CNKSR2: variants seen among roughly 807,000 people sequenced by gnomAD.
CNKSR2 encodes CNK homolog protein 2.
Under a neutral mutation model 84.4 loss-of-function variants are expected in CNKSR2, and 14 were observed. The ratio of observed to expected loss-of-function variants is 0.17; its 90% confidence interval spans 0.11 to 0.26. CNKSR2 has a LOEUF of 0.26. Ranked by LOEUF, CNKSR2 falls within the 10% of genes least tolerant of loss-of-function variation. CNKSR2 has a pLI of 1.00. For synonymous variants in CNKSR2, 275 were observed against 277.9 expected (o/e 0.99, Z 0.10); for missense variants, 485 against 771.2 (o/e 0.63, Z 4.40).
chrX:21,599,607 C>T (rs1242343445), intron 17 of CNKSR2, among the ~76,000 whole-genome samples: 1 of 111,151 alleles, frequency 9.0e-6, no homozygotes, highest in South Asian at 3.8e-4. Context: ...TCAGGTGATC[C>T]GCCCACATCG....
At chrX:21,564,127 G>A (rs2092217616) in intron 13 of CNKSR2, among the ~76,000 whole-genome samples, 1 of 111,647 alleles carries the variant, frequency 9.0e-6, no homozygotes, top group Non-Finnish European at 1.9e-5. Flanking sequence ...AGGATTTTGT[G>A]TGGCTTATGA....
chrX:21,430,007 T>C (rs977962532), intron 2 of CNKSR2, among the ~76,000 whole-genome samples: 9 of 112,375 alleles, frequency 8.0e-5, no homozygotes, highest in Non-Finnish European at 1.5e-4. Flanking sequence ...ACAGATGAGC[T>C]TCTTACCTAT....
At chrX:21,606,742 G>A (rs2092519416) in intron 18 of CNKSR2, 37 bp from the exon 19 acceptor site, 1 of 815,900 alleles carries the variant, frequency 1.2e-6, no homozygotes, top group African/African-American at 2.1e-5. Context: ...GAAACATTTA[G>A]TAGAATGTTG....
At chrX:21,615,724 C>T (rs1014465929) in intron 20 of CNKSR2, among the ~76,000 whole-genome samples, 1 of 111,324 alleles carries the variant, frequency 9.0e-6, no homozygotes, top group Non-Finnish European at 1.9e-5. Context: ...TAAGGCAAAG[C>T]GGGCAATTAC....
chrX:21,472,003 T>A (rs1209052955), intron 5 of CNKSR2, among the ~76,000 whole-genome samples: 1 of 112,034 alleles, frequency 8.9e-6, no homozygotes, highest in Non-Finnish European at 1.9e-5. Context: ...GTCACAAATA[T>A]TAAGTTGTTC....
At chrX:21,537,783 CTTG>C (rs1380795072) in intron 11 of CNKSR2, 3 of 89,799 alleles carry the variant, frequency 3.3e-5, no homozygotes, top group African/African-American at 1.3e-4. Context: ...AGAGTTGGGT[CTTG>C]TTTTTTTTTT....
rs367963585 is a variant in CNKSR2 at position 21,652,356 on chromosome X, C to T, written c.2940C>T (p.Asp980=). 16 of 1,209,919 alleles carry T rather than the reference C, an allele frequency of 1.3e-5. No individual in the cohort carries two copies. The African/African-American group carries it at 2.1e-4, about 16-fold the overall frequency. The stretch of plus-strand genomic sequence containing the variant: ...TCGATAAAGTCCTAGACAATCCAGA[C>T]TTGACATCTAAAGAATTCCAACAAT... The part of the protein sequence containing the change: ...AIIDKVLDNP[D]LTSKEFQQWK... Residue 980 remains aspartate, a synonymous_variant, in exon 22 of 22, where the codon GAC becomes GAT. Transcript: ENST00000379510.
At position 21,472,264 on chromosome X, in the gene CNKSR2, GT is replaced by G. The variant is rs1413411247; in HGVS notation, c.561+1459del. Among the ~76,000 whole-genome samples, 21 of 112,076 alleles carry G rather than the reference GT, an allele frequency of 1.9e-4. No homozygotes were observed. In the Admixed American group the frequency reaches 2.0e-3, roughly 11 times the overall value. On this transcript the variant is annotated intron_variant, in intron 5 of 21. Coordinates refer to ENST00000379510, the MANE Select transcript of CNKSR2 (RefSeq NM_014927.5). Reference sequence around the variant, plus strand: ...CATTGAATTTTCTATGACAATGACTGTTCTTTCTGAAGTATTGAATTTACTG... The same window carrying G: ...CATTGAATTTTCTATGACAATGACTGTCTTTCTGAAGTATTGAATTTACTG...
chrX:21,387,736 A>G (rs1049588182), intron 1 of CNKSR2, among the ~76,000 whole-genome samples: 1 of 111,026 alleles, frequency 9.0e-6, no homozygotes, highest in Non-Finnish European at 1.9e-5. Flanking sequence ...ATATCTCCTG[A>G]AATAAAATTC....
chrX:21,603,653 CAG>C (rs1471810759), intron 18 of CNKSR2, among the ~76,000 whole-genome samples: 1 of 112,303 alleles, frequency 8.9e-6, no homozygotes, highest in African/African-American at 3.2e-5. Context: ...TTAGAGAAAA[CAG>C]AGTTACACTT....
intron 5 of CNKSR2, among the ~76,000 whole-genome samples, chrX:21,471,596 A>G (rs1313003707): frequency 8.9e-6 from 1 of 112,565 alleles, no homozygotes. Flanking sequence ...ACTATTTTGT[A>G]TTTAGAAAAG....
chrX:21,399,479 C>T (rs1212179174), intron 1 of CNKSR2, among the ~76,000 whole-genome samples: 1 of 111,341 alleles, frequency 9.0e-6, no homozygotes, highest in Non-Finnish European at 1.9e-5. Context: ...AGTGCTAATT[C>T]TGTATGTTTG....
intron 11 of CNKSR2, among the ~76,000 whole-genome samples, chrX:21,552,662 AG>A (rs778768483): frequency 8.9e-6 from 1 of 112,079 alleles, no homozygotes; most frequent in Non-Finnish European, 1.9e-5. Context: ...CTTATCTTGT[AG>A]AAAAGCCATA....
At chrX:21,631,212 A>G (rs2092646685) in intron 20 of CNKSR2, among the ~76,000 whole-genome samples, 1 of 110,464 alleles carries the variant, frequency 9.1e-6, no homozygotes, top group Non-Finnish European at 1.9e-5. Context: ...CCAGCTACTC[A>G]GGAGGCTGAG....
chrX:21,552,035 T>A (rs767344967), intron 11 of CNKSR2, among the ~76,000 whole-genome samples: 7 of 108,103 alleles, frequency 6.5e-5, no homozygotes, highest in African/African-American at 2.0e-4. Flanking sequence ...AATCATGACA[T>A]CCCCTGGAGC....
chrX:21,379,654 C>A (rs970969470), intron 1 of CNKSR2, among the ~76,000 whole-genome samples: 1 of 111,733 alleles, frequency 8.9e-6, no homozygotes, highest in East Asian at 2.8e-4. Flanking sequence ...ATATTATTTT[C>A]TCAGTGCTTT....
In CNKSR2 at chrX:21,641,777, G is replaced by A. The variant is rs999878348; in HGVS notation, c.2693-7054G>A. On this transcript the variant is annotated intron_variant, in intron 20 of 21. Coordinates refer to ENST00000379510, the MANE Select transcript of CNKSR2 (RefSeq NM_014927.5). ...AGATCATCAAGTGTTTTGGATTGGG[G>A]GCCTCCCAAAGGGATATAAGAGGGG... The A allele has an allele frequency of 1.8e-5, 18 of 1,019,865 alleles. No individual in the cohort carries two copies. In the African/African-American group the frequency reaches 3.1e-4, roughly 18 times the overall value. 84.0% of individuals were successfully genotyped at this position (1,019,865 alleles called of 1,213,427 possible).
intron 4 of CNKSR2, among the ~76,000 whole-genome samples, chrX:21,459,943 T>A (rs2091041233): frequency 9.0e-6 from 1 of 111,633 alleles, no homozygotes; most frequent in Non-Finnish European, 1.9e-5. Flanking sequence ...AGACACTGTT[T>A]TTCCCTTCTC....
In CNKSR2 at chrX:21,473,907, C is replaced by T. The variant is rs201531815; in HGVS notation, c.561+3100C>T. On this transcript the variant is annotated intron_variant, in intron 5 of 21. Transcript: ENST00000379510. ...GACTACAGGTGCCCACCACCACGCC[C>T]GGCTAATTTTTTTTGTATTTTTTAG... 9.4e-5 allele frequency among the ~76,000 whole-genome samples: 10 copies of T among 106,875 alleles called. No homozygotes were observed. The East Asian group carries it at 1.8e-3, about 19-fold the overall frequency. The allele number at this position is 106,875 out of a possible 115,157, so 92.8% of individuals were successfully genotyped here.
Sources: gnomAD v4.1 joint callset for allele counts (sites outside exome capture counted in the v4.1 genomes callset) on GRCh38, gnomAD v4.1.1 for gene constraint, MANE v1.5 for transcripts, NCBI Gene and HGNC (gene_info 2026-07-23, HGNC 2026-07-21) for gene names.